LAMA2: variants seen among roughly 807,000 people sequenced by gnomAD.
LAMA2 encodes laminin subunit alpha 2.
LAMA2 carries 269 observed loss-of-function variants against 364.8 expected under a neutral mutation model. The observed-to-expected ratio is 0.74, with a 90% CI of 0.67 to 0.82. LAMA2 has a LOEUF of 0.82. LAMA2 is among the 40% of genes least tolerant of loss of function. The pLI is 0.00. For missense variants in LAMA2, 3,807 were observed against 3,873.2 expected (o/e 0.98, Z 0.45); for synonymous variants, 1,379 against 1,370.6 (o/e 1.01, Z -0.14).
At chr6:129,381,336 T>TC (rs1002948332) in intron 34 of LAMA2, among the ~76,000 whole-genome samples, 3 of 151,750 alleles carry the variant, frequency 2.0e-5, no homozygotes, top group Non-Finnish European at 4.4e-5. Context: ...AACATCTTTT[T>TC]TTTTCTTTTC....
chr6:128,963,770 G>T (rs532862724), intron 1 of LAMA2, among the ~76,000 whole-genome samples: 2 of 152,058 alleles, frequency 1.3e-5, no homozygotes, highest in Non-Finnish European at 2.9e-5. Flanking sequence ...AAGGAGAGAG[G>T]TTAAAACCAG....
At chr6:129,255,403 C>CT (rs778530548) in intron 14 of LAMA2, among the ~76,000 whole-genome samples, 2,847 of 49,522 alleles carry the variant, frequency 0.057, 131 homozygotes, top group Middle Eastern at 0.13. Flanking sequence ...GAGACTCTGT[C>CT]TCAAAAAAAA....
intron 11 of LAMA2, among the ~76,000 whole-genome samples, chr6:129,192,084 G>T (rs1781550841): frequency 1.3e-5 from 2 of 152,330 alleles, no homozygotes; most frequent in African/African-American, 2.4e-5. Flanking sequence ...GTATTGCCAG[G>T]TGTTGTCATA....
intron 4 of LAMA2, among the ~76,000 whole-genome samples, chr6:129,137,716 G>C (rs1308786505): frequency 6.6e-6 from 1 of 152,040 alleles, no homozygotes. Flanking sequence ...CTAATTCATT[G>C]GAAGCTCTAG....
At chr6:128,894,992 G>A (rs917676756) in intron 1 of LAMA2, among the ~76,000 whole-genome samples, 1 of 151,826 alleles carries the variant, frequency 6.6e-6, no homozygotes, top group African/African-American at 2.4e-5. Context: ...CTACAGGGTT[G>A]GACTACAGTT....
At chr6:128,929,249 A>T in intron 1 of LAMA2, 1 of 1,454,096 alleles carries the variant, frequency 6.9e-7, no homozygotes, top group South Asian at 1.1e-5. Context: ...GTACTGTAAG[A>T]GACCGTCAAT....
chr6:129,501,814 G>A (rs1186959248), intron 58 of LAMA2, among the ~76,000 whole-genome samples: 1 of 152,176 alleles, frequency 6.6e-6, no homozygotes, highest in East Asian at 1.9e-4. Context: ...TGTGGCTTTG[G>A]TAATTTAAGG....
chr6:129,285,841 T>G (rs1175663052), intron 18 of LAMA2, among the ~76,000 whole-genome samples: 3 of 152,132 alleles, frequency 2.0e-5, no homozygotes, highest in Non-Finnish European at 4.4e-5. Flanking sequence ...TAACAAACAA[T>G]TATATCTGTG....
At chr6:129,084,765 A>G (rs4419681) in intron 3 of LAMA2, among the ~76,000 whole-genome samples, 73,759 of 152,060 alleles carry the variant, frequency 0.49, 20,970 homozygotes, top group East Asian at 0.83. Flanking sequence ...TTAAGCCTCC[A>G]TTCTTCATAC....
intron 1 of LAMA2, among the ~76,000 whole-genome samples, chr6:129,048,620 C>G (rs1787769072): frequency 6.7e-6 from 1 of 148,864 alleles, no homozygotes; most frequent in Admixed American, 6.8e-5. Flanking sequence ...CTCTCTCTCT[C>G]TCTCTCTCTT....
At chr6:129,032,311 AAG>A (rs1393954404) in intron 1 of LAMA2, among the ~76,000 whole-genome samples, 1 of 152,230 alleles carries the variant, frequency 6.6e-6, no homozygotes, top group African/African-American at 2.4e-5. Flanking sequence ...AGTGCTATGC[AAG>A]AAAAATAAGG....
chr6:129,116,553 AG>A (rs1776495451), intron 4 of LAMA2, among the ~76,000 whole-genome samples: 1 of 152,118 alleles, frequency 6.6e-6, no homozygotes, highest in Non-Finnish European at 1.5e-5. Flanking sequence ...ATTTGTGTGA[AG>A]GGTTTTTCCA....
At chr6:129,287,351 T>C (rs1229637335) in intron 18 of LAMA2, among the ~76,000 whole-genome samples, 1 of 152,178 alleles carries the variant, frequency 6.6e-6, no homozygotes, top group African/African-American at 2.4e-5. Context: ...TTAATAAGAA[T>C]CTTCTGAGTC....
intron 45 of LAMA2, among the ~76,000 whole-genome samples, chr6:129,446,167 AAAAC>A (rs1396902167): frequency 6.6e-6 from 1 of 152,012 alleles, no homozygotes; most frequent in Non-Finnish European, 1.5e-5. Context: ...CCTCTTGCTA[AAAAC>A]AAACCAAAAA....
chr6:129,131,613 A>G (rs1358790961), intron 4 of LAMA2, among the ~76,000 whole-genome samples: 3 of 152,216 alleles, frequency 2.0e-5, no homozygotes, highest in African/African-American at 7.2e-5. Flanking sequence ...TGAAGGAACT[A>G]GGGATCTGTT....
intron 40 of LAMA2, among the ~76,000 whole-genome samples, chr6:129,416,785 AAGG>A: frequency 6.8e-6 from 1 of 146,456 alleles, no homozygotes; most frequent in Non-Finnish European, 1.5e-5. Context: ...CACACCTGCC[AAGG>A]GTGATTCAGG....
In LAMA2 at chr6:129,154,612, A is replaced by G. The variant is rs972939197; in HGVS notation, c.1135A>G (p.Ile379Val). Residue 379 changes from isoleucine (I) to valine (V), a missense_variant, in exon 8 of 65, where the codon ATT becomes GTT. Ile to Val is a conservative substitution (Grantham distance 29, BLOSUM62 3). Transcript: ENST00000421865. ...AAAGTACATTGGAGGGGGTGTCTGC[A>G]TTAATTGTACCCAAAACACTGCTGG... ...RGKYIGGGVC[I>V]NCTQNTAGIN... is the part of the protein sequence containing the mutation. 6.2e-7 allele frequency: 1 copy of G among 1,614,076 alleles called. No homozygotes were observed. The highest frequency in any genetic ancestry group is 1.1e-5 in the South Asian group (1 of 91,088).
intron 1 of LAMA2, among the ~76,000 whole-genome samples, chr6:128,888,858 C>T (rs761885672): frequency 3.9e-5 from 6 of 152,110 alleles, no homozygotes; most frequent in East Asian, 1.9e-4. Context: ...GTCTCAAATA[C>T]GCACTAATCC....
chr6:128,912,193 G>A (rs1158661978), intron 1 of LAMA2, among the ~76,000 whole-genome samples: 3 of 152,038 alleles, frequency 2.0e-5, no homozygotes, highest in Non-Finnish European at 4.4e-5. Context: ...AAAAATGTTC[G>A]TTTAATTTTA....
Sources: gnomAD v4.1 joint callset for allele counts (sites outside exome capture counted in the v4.1 genomes callset) on GRCh38, gnomAD v4.1.1 for gene constraint, MANE v1.5 for transcripts, NCBI Gene and HGNC (gene_info 2026-07-23, HGNC 2026-07-21) for gene names.